LINGO1: variants seen among roughly 807,000 people sequenced by gnomAD.
LINGO1 encodes leucine-rich repeat and immunoglobulin-like domain-containing nogo receptor-interacting protein 1.
LINGO1 carries 11 observed loss-of-function variants against 37.3 expected under a neutral mutation model. The observed-to-expected ratio is 0.29, with a 90% CI of 0.19 to 0.49. LINGO1 has a LOEUF of 0.49. Among genes scored for constraint, LINGO1 ranks in the 20% least tolerant of loss-of-function variants. LINGO1 has a pLI of 0.99. For missense variants in LINGO1, 585 were observed against 878.2 expected (o/e 0.67, Z 4.22); for synonymous variants, 387 against 403.0 (o/e 0.96, Z 0.48).
At chr15:77,626,585 G>A (rs917959254) in intron 1 of LINGO1, among the ~76,000 whole-genome samples, 1 of 152,160 alleles carries the variant, frequency 6.6e-6, no homozygotes, top group Non-Finnish European at 1.5e-5. Context: ...CCGGCTGCCC[G>A]TTCATAAGAA....
intron 1 of LINGO1, among the ~76,000 whole-genome samples, chr15:77,740,719 G>T (rs566258275): frequency 2.3e-4 from 35 of 152,296 alleles, no homozygotes; most frequent in African/African-American, 7.5e-4. Flanking sequence ...ACAAAGATTT[G>T]GATAGTAGGG....
chr15:77,621,756 T>C (rs2073929134), intron 1 of LINGO1, among the ~76,000 whole-genome samples: 1 of 152,246 alleles, frequency 6.6e-6, no homozygotes, highest in Non-Finnish European at 1.5e-5. Flanking sequence ...ACCACACTCC[T>C]TTCCTGTGCC....
chr15:77,690,569 G>A (rs1260423567), intron 2 of LINGO1, among the ~76,000 whole-genome samples: 2 of 152,176 alleles, frequency 1.3e-5, no homozygotes, highest in African/African-American at 4.8e-5. Context: ...AATGAAATAG[G>A]GTTTGTTTTA....
intron 3 of LINGO1, among the ~76,000 whole-genome samples, chr15:77,676,159 T>C (rs2075324370): frequency 6.6e-6 from 1 of 152,166 alleles, no homozygotes; most frequent in Non-Finnish European, 1.5e-5. Flanking sequence ...AGCTGGGGGA[T>C]CAGGAAATGC....
intron 1 of LINGO1, among the ~76,000 whole-genome samples, chr15:77,815,494 A>G (rs1050370735): frequency 6.6e-6 from 1 of 152,154 alleles, no homozygotes; most frequent in African/African-American, 2.4e-5. Context: ...AATCCCACTC[A>G]AACTCACTCC....
intron 3 of LINGO1, among the ~76,000 whole-genome samples, chr15:77,671,589 C>T (rs926613780): frequency 2.6e-5 from 4 of 152,286 alleles, no homozygotes; most frequent in South Asian, 4.1e-4. Context: ...TTTAGACCAG[C>T]GGTCCGGTCT....
At chr15:77,789,316 G>A (rs11072674), upstream of LINGO1, among the ~76,000 whole-genome samples, 75,916 of 152,048 alleles carry the variant, frequency 0.5, 19,654 homozygotes, top group South Asian at 0.61. Context: ...CCCATAAGAA[G>A]GAGGCATTTG....
chr15:77,731,469 C>G (rs1217743969), intron 2 of LINGO1, among the ~76,000 whole-genome samples: 5 of 152,210 alleles, frequency 3.3e-5, no homozygotes, highest in Non-Finnish European at 7.4e-5. Context: ...GAAGGGGATT[C>G]AATCCCAGCT....
chr15:77,789,296 G>A (rs962949419), upstream of LINGO1, among the ~76,000 whole-genome samples: 2 of 152,186 alleles, frequency 1.3e-5, no homozygotes, highest in Admixed American at 6.5e-5. Flanking sequence ...AATCCAATAC[G>A]ACTATTGTGC....
intron 1 of LINGO1, among the ~76,000 whole-genome samples, chr15:77,772,650 A>G (rs1044184268): frequency 6.6e-6 from 1 of 152,046 alleles, no homozygotes; most frequent in African/African-American, 2.4e-5. Flanking sequence ...TGTCACCTCT[A>G]TCATAAATTG....
At chr15:77,770,922 C>G (rs1293401406) in intron 1 of LINGO1, among the ~76,000 whole-genome samples, 1 of 152,240 alleles carries the variant, frequency 6.6e-6, no homozygotes, top group East Asian at 1.9e-4. Flanking sequence ...AAGCAGTGGG[C>G]TGGTCCACAT....
chr15:77,770,159 G>A (rs1441237145), intron 1 of LINGO1, among the ~76,000 whole-genome samples: 3 of 152,172 alleles, frequency 2.0e-5, no homozygotes, highest in African/African-American at 7.2e-5. Context: ...CTCCAGAGCA[G>A]CAGGCTCCGA....
chr15:77,814,327 G>T (rs774068473), intron 1 of LINGO1, among the ~76,000 whole-genome samples: 1 of 152,144 alleles, frequency 6.6e-6, no homozygotes, highest in Non-Finnish European at 1.5e-5. Flanking sequence ...ACTTCCCACC[G>T]TGCCCTCAGT....
chr15:77,735,540 G>A (rs1242523838), intron 1 of LINGO1, among the ~76,000 whole-genome samples: 1 of 152,160 alleles, frequency 6.6e-6, no homozygotes, highest in African/African-American at 2.4e-5. Flanking sequence ...TCTTTACCTG[G>A]GCCCAGTCTC....
intron 2 of LINGO1, among the ~76,000 whole-genome samples, chr15:77,723,898 A>G (rs1276342313): frequency 6.6e-6 from 1 of 152,110 alleles, no homozygotes; most frequent in Non-Finnish European, 1.5e-5. Context: ...GCGGGAGGCG[A>G]GAGAAAGAGA....
intron 3 of LINGO1, among the ~76,000 whole-genome samples, chr15:77,652,483 A>AGAGTGT (rs1555525720): frequency 1.3e-4 from 17 of 128,960 alleles, no homozygotes; most frequent in African/African-American, 3.2e-4. Context: ...GGGGAGGGAG[A>AGAGTGT]GTGTGTGTGT....
chr15:77,645,977 G>C (rs573845445), intron 3 of LINGO1, among the ~76,000 whole-genome samples: 1 of 148,840 alleles, frequency 6.7e-6, no homozygotes, highest in Non-Finnish European at 1.5e-5. Context: ...ATGAGCAAGT[G>C]CATGGGCAAG....
At chr15:77,816,798 G>A (rs1261164128) in intron 1 of LINGO1, among the ~76,000 whole-genome samples, 1 of 152,168 alleles carries the variant, frequency 6.6e-6, no homozygotes, top group Admixed American at 6.5e-5. Flanking sequence ...TGGGGTGGGA[G>A]TGGAGGTACC....
intron 2 of LINGO1, among the ~76,000 whole-genome samples, chr15:77,684,004 C>T (rs1225637569): frequency 6.6e-6 from 1 of 152,178 alleles, no homozygotes; most frequent in African/African-American, 2.4e-5. Flanking sequence ...TCCCAACTCC[C>T]TTACATGTCC....
Sources: gnomAD v4.1 joint callset for allele counts (sites outside exome capture counted in the v4.1 genomes callset) on GRCh38, gnomAD v4.1.1 for gene constraint, MANE v1.5 for transcripts, NCBI Gene and HGNC (gene_info 2026-07-23, HGNC 2026-07-21) for gene names.